The following TENM2 variants were observed in gnomAD, a reference collection of about 807,000 sequenced individuals.
The protein encoded by TENM2 is teneurin-2.
A neutral mutation model predicts 245.2 loss-of-function variants in TENM2; 52 were observed. That is an observed-to-expected ratio of 0.21 (90% CI 0.17 to 0.27). TENM2 has a LOEUF of 0.27. Ranked by LOEUF, TENM2 falls within the 10% of genes least tolerant of loss-of-function variation. The pLI, the probability that TENM2 is intolerant of heterozygous loss-of-function variation, is 1.00. For synonymous variants in TENM2, 1,363 were observed against 1,438.9 expected (o/e 0.95, Z 1.19); for missense variants, 3,046 against 3,666.8 (o/e 0.83, Z 4.37).
the TENM2 span, among the ~76,000 whole-genome samples, chr5:167,214,849 C>T: frequency 6.6e-6 from 1 of 152,276 alleles, no homozygotes; most frequent in Non-Finnish European, 1.5e-5. Context: ...CAGGGCTTTC[C>T]GCATATTGCC....
At chr5:167,386,116 C>A (rs1160927906) in intron 2 of TENM2, among the ~76,000 whole-genome samples, 1 of 152,054 alleles carries the variant, frequency 6.6e-6, no homozygotes, top group South Asian at 2.1e-4. Context: ...GTTTTCCTTG[C>A]TGGCCGTACT....
the TENM2 span, among the ~76,000 whole-genome samples, chr5:167,213,228 G>A: frequency 6.6e-6 from 1 of 152,114 alleles, no homozygotes; most frequent in Non-Finnish European, 1.5e-5. Context: ...CGCCATCAAG[G>A]CAGTCATTAA....
chr5:167,745,080 C>T (rs549180065), intron 2 of TENM2, among the ~76,000 whole-genome samples: 1 of 152,308 alleles, frequency 6.6e-6, no homozygotes, highest in South Asian at 2.1e-4. Context: ...CTCATCAGAA[C>T]AGCACGTCAT....
At chr5:167,509,268 A>G (rs904522603) in intron 2 of TENM2, among the ~76,000 whole-genome samples, 2 of 152,236 alleles carry the variant, frequency 1.3e-5, no homozygotes, top group African/African-American at 4.8e-5. Context: ...TACATTAAAT[A>G]TATTAAAATT....
At chr5:167,946,954 G>A (rs1779675182) in intron 3 of TENM2, among the ~76,000 whole-genome samples, 1 of 152,162 alleles carries the variant, frequency 6.6e-6, no homozygotes, top group Non-Finnish European at 1.5e-5. Context: ...TTTTGCTTAT[G>A]GAAATGGAGC....
chr5:167,845,129 G>A (rs1171253600), intron 2 of TENM2, among the ~76,000 whole-genome samples: 3 of 151,908 alleles, frequency 2.0e-5, no homozygotes, highest in Non-Finnish European at 4.4e-5. Context: ...TTTTCATTTA[G>A]GGTATAATTT....
At chr5:167,625,441 A>G (rs1382731376) in intron 2 of TENM2, among the ~76,000 whole-genome samples, 6 of 152,188 alleles carry the variant, frequency 3.9e-5, no homozygotes, top group Non-Finnish European at 7.3e-5. Context: ...TTAATAAACC[A>G]TTACTTATCA....
chr5:168,094,079 G>A (rs1229439359), intron 8 of TENM2, among the ~76,000 whole-genome samples: 2 of 152,054 alleles, frequency 1.3e-5, no homozygotes, highest in Non-Finnish European at 2.9e-5. Context: ...AGGACCTATT[G>A]TATACCAAGC....
chr5:167,087,764 G>C, the TENM2 span, among the ~76,000 whole-genome samples: 1 of 151,854 alleles, frequency 6.6e-6, no homozygotes, highest in Non-Finnish European at 1.5e-5. Context: ...TATTGGGAGA[G>C]TGTTTTTTAT....
chr5:167,312,907 CTTT>C (rs762116351), intron 1 of TENM2, among the ~76,000 whole-genome samples: 1 of 94,730 alleles, frequency 1.1e-5, no homozygotes, highest in Admixed American at 1.3e-4. Context: ...GACCTTGACT[CTTT>C]TTTTTTTTTT....
chr5:168,090,500 CG>C (rs1562145232), intron 7 of TENM2, 73 bp from the exon 10 acceptor site: 1 of 1,349,732 alleles, frequency 7.4e-7, no homozygotes, highest in Non-Finnish European at 1.0e-6. Flanking sequence ...CAAATGGGTT[CG>C]GGGGGAAGGT....
intron 1 of TENM2, among the ~76,000 whole-genome samples, chr5:167,369,822 G>A (rs908439832): frequency 5.9e-5 from 9 of 152,002 alleles, no homozygotes; most frequent in African/African-American, 2.2e-4. Flanking sequence ...TCCAATGCTG[G>A]CATTTTCAGT....
chr5:167,483,527 T>C (rs997349421), intron 2 of TENM2, among the ~76,000 whole-genome samples: 81 of 152,232 alleles, frequency 5.3e-4, no homozygotes, highest in Non-Finnish European at 2.5e-4. Flanking sequence ...ATGGTTCCTC[T>C]TGGCTTCTGA....
chr5:167,318,252 C>A (rs1756490645), intron 1 of TENM2, among the ~76,000 whole-genome samples: 2 of 152,078 alleles, frequency 1.3e-5, no homozygotes, highest in South Asian at 4.1e-4. Context: ...TAATGGGGCT[C>A]AGAGGAGAAT....
chr5:168,032,716 G>A (rs1232879106), intron 5 of TENM2, among the ~76,000 whole-genome samples: 1 of 152,106 alleles, frequency 6.6e-6, no homozygotes, highest in Non-Finnish European at 1.5e-5. Flanking sequence ...GAAATAATGA[G>A]AAAAGGCAGG....
At chr5:167,450,660 G>GA (rs1245594662) in intron 2 of TENM2, among the ~76,000 whole-genome samples, 2 of 151,744 alleles carry the variant, frequency 1.3e-5, no homozygotes, top group African/African-American at 2.4e-5. Flanking sequence ...GGGAGGATTA[G>GA]AAAAAAAAGC....
At chr5:167,173,473 C>T in the TENM2 span, among the ~76,000 whole-genome samples, 1 of 152,120 alleles carries the variant, frequency 6.6e-6, no homozygotes, top group Non-Finnish European at 1.5e-5. Context: ...CTCTGGGTAC[C>T]GCTTTTTCCA....
chr5:167,349,816 C>A (rs898279286), intron 1 of TENM2, among the ~76,000 whole-genome samples: 2 of 152,174 alleles, frequency 1.3e-5, no homozygotes, highest in African/African-American at 2.4e-5. Context: ...GTTATGCTAT[C>A]ATCTCTTTTC....
At chr5:168,094,103 C>T (rs774734365) in intron 8 of TENM2, among the ~76,000 whole-genome samples, 5 of 145,890 alleles carry the variant, frequency 3.4e-5, no homozygotes, top group South Asian at 2.2e-4. Flanking sequence ...GAGAATACCT[C>T]GATGAACAGT....
Sources: gnomAD v4.1 joint callset for allele counts (sites outside exome capture counted in the v4.1 genomes callset) on GRCh38, gnomAD v4.1.1 for gene constraint, MANE v1.5 for transcripts, NCBI Gene and HGNC (gene_info 2026-07-23, HGNC 2026-07-21) for gene names.